STAG1: variants seen among roughly 807,000 people sequenced by gnomAD.
The protein encoded by STAG1 is STAG1 cohesin complex component.
Under a neutral mutation model 170.9 loss-of-function variants are expected in STAG1, and 26 were observed. That is an observed-to-expected ratio of 0.15 (90% CI 0.11 to 0.21). STAG1 has a LOEUF of 0.21. Ranked by LOEUF, STAG1 falls within the 10% of genes least tolerant of loss-of-function variation. STAG1 has a pLI of 1.00. For missense variants in STAG1, 964 were observed against 1,509.5 expected, an observed-to-expected ratio of 0.64 and a Z score of 5.99; for synonymous variants, 514 against 497.7, an observed-to-expected ratio of 1.03 and a Z score of -0.44.
At chr3:136,607,290 C>A (rs1031098665) in intron 3 of STAG1, among the ~76,000 whole-genome samples, 1 of 152,162 alleles carries the variant, frequency 6.6e-6, no homozygotes, top group Non-Finnish European at 1.5e-5. Context: ...AATTATAATT[C>A]TCTCACATGG....
chr3:136,595,542 C>G (rs1207999227), intron 4 of STAG1, among the ~76,000 whole-genome samples: 1 of 151,740 alleles, frequency 6.6e-6, no homozygotes, highest in Non-Finnish European at 1.5e-5. Context: ...AAATACAAAA[C>G]TGCGGGCGCC....
At chr3:136,424,620 A>C (rs2088060101) in intron 16 of STAG1, among the ~76,000 whole-genome samples, 1 of 152,116 alleles carries the variant, frequency 6.6e-6, no homozygotes, top group African/African-American at 2.4e-5. Context: ...GGTGTGAGCC[A>C]CTGCGCCCAG....
At chr3:136,374,769 A>C (rs1204518222) in intron 23 of STAG1, among the ~76,000 whole-genome samples, 1 of 152,192 alleles carries the variant, frequency 6.6e-6, no homozygotes, top group African/African-American at 2.4e-5. Context: ...GAAGAAAGAA[A>C]AACATTTTAA....
chr3:136,406,813 A>G (rs1333875687), intron 21 of STAG1, among the ~76,000 whole-genome samples: 1 of 151,714 alleles, frequency 6.6e-6, no homozygotes, highest in African/African-American at 2.4e-5. Context: ...AAAAAATTCA[A>G]GCAGTAAAAG....
chr3:136,503,016 C>G (rs1036241733), intron 7 of STAG1, among the ~76,000 whole-genome samples: 2 of 152,162 alleles, frequency 1.3e-5, no homozygotes, highest in Admixed American at 6.5e-5. Flanking sequence ...ACAGCCTCAT[C>G]CTAACTAACA....
Position 136,649,432 on chromosome 3 carries a change from T to C in STAG1, c.-83-18451A>G, listed in dbSNP as rs1396637391. On this transcript the variant is annotated intron_variant, in intron 1 of 33. Transcript: ENST00000383202. ...AGGCGGAGGTTGCAGTGAGTGGAGATGGCGCCACTGTACTCCAGCCTGGGT... is the reference window on the plus strand; with the variant it reads ...AGGCGGAGGTTGCAGTGAGTGGAGACGGCGCCACTGTACTCCAGCCTGGGT... 7.8e-5 allele frequency among the ~76,000 whole-genome samples: 11 copies of C among 141,636 alleles called. No individual in the cohort carries two copies. In the South Asian group the frequency reaches 2.2e-3, roughly 28 times the overall value. 92.9% of individuals were successfully genotyped at this position (141,636 alleles called of 152,430 possible). A position where few individuals can be genotyped will look rare whatever the true frequency, so the allele number is the denominator to read the frequency against.
chr3:136,582,955 C>A (rs1040980060), intron 4 of STAG1, among the ~76,000 whole-genome samples: 8 of 152,074 alleles, frequency 5.3e-5, no homozygotes, highest in African/African-American at 1.9e-4. Context: ...AAATTCATTA[C>A]CTTTATTTTT....
chr3:136,532,168 T>C (rs1040383565), intron 6 of STAG1, among the ~76,000 whole-genome samples: 1 of 152,112 alleles, frequency 6.6e-6, no homozygotes, highest in Non-Finnish European at 1.5e-5. Context: ...TTACAACTGA[T>C]AACACAGAAA....
rs753912835 is a variant in STAG1 at position 136,439,389 on chromosome 3, G to GACACACACACACACACACACAC, written c.1546+3876_1546+3897dup. On this transcript the variant is annotated intron_variant, in intron 15 of 33. Coordinates refer to ENST00000383202, the MANE Select transcript of STAG1 (RefSeq NM_005862.3). Reference sequence around the variant, plus strand: ...TTGATTTTGCTGTAAAACACCCCCCGACACACACACACACACACACACACA... The same window carrying GACACACACACACACACACACAC: ...TTGATTTTGCTGTAAAACACCCCCCGACACACACACACACACACACACACACACACACACACACACACACACA... Among the ~76,000 whole-genome samples the GACACACACACACACACACACAC allele has an allele frequency of 5.2e-5, 5 of 95,868 alleles. 1 individual carries two copies. The highest frequency in any genetic ancestry group is 6.0e-5 in the Non-Finnish European group (3 of 49,938). The allele number at this position is 95,868 out of a possible 152,430, so 62.9% of individuals were successfully genotyped here.
chr3:136,580,620 G>A (rs571951795), intron 4 of STAG1, among the ~76,000 whole-genome samples: 297 of 139,468 alleles, frequency 2.1e-3, no homozygotes, highest in African/African-American at 7.6e-3. Flanking sequence ...TGCAAGCTCC[G>A]CTTCCCGGGT....
intron 14 of STAG1, among the ~76,000 whole-genome samples, chr3:136,447,677 G>A (rs1009413005): frequency 1.4e-5 from 2 of 138,530 alleles, no homozygotes; most frequent in South Asian, 2.4e-4. Flanking sequence ...TGCGATCTCG[G>A]CTCACTGCAA....
At position 136,555,398 on chromosome 3, in the gene STAG1, T is replaced by A. The variant is rs185736894; in HGVS notation, c.395-13203A>T. ...GCTAAATGAGTTTTTAAAAAGTGAATCACGACTGGGCACAGTGGCTCAAGC... is the reference window on the plus strand; with the variant it reads ...GCTAAATGAGTTTTTAAAAAGTGAAACACGACTGGGCACAGTGGCTCAAGC... On this transcript the variant is annotated intron_variant, in intron 5 of 33. Transcript: ENST00000383202. 1.8e-4 allele frequency among the ~76,000 whole-genome samples: 28 copies of A among 151,404 alleles called. No individual in the cohort carries two copies. In the East Asian group the frequency reaches 4.5e-3, roughly 24 times the overall value.
At chr3:136,695,925 T>C (rs1409444356) in intron 1 of STAG1, among the ~76,000 whole-genome samples, 1 of 152,186 alleles carries the variant, frequency 6.6e-6, no homozygotes, top group African/African-American at 2.4e-5. Flanking sequence ...ATCCCACTTC[T>C]GACACCAGGT....
intron 1 of STAG1, among the ~76,000 whole-genome samples, chr3:136,739,729 C>T (rs1352047300): frequency 6.6e-6 from 1 of 151,806 alleles, no homozygotes; most frequent in Non-Finnish European, 1.5e-5. Context: ...GAGGCTGAGG[C>T]AGGAGAATCA....
intron 19 of STAG1, among the ~76,000 whole-genome samples, chr3:136,422,007 C>A (rs909511460): frequency 6.6e-6 from 1 of 151,722 alleles, no homozygotes; most frequent in Non-Finnish European, 1.5e-5. Context: ...AACAGCCAAG[C>A]GTGGTGACAG....
intron 12 of STAG1, 34 bp downstream of exon 12, chr3:136,472,379 C>T: frequency 6.7e-7 from 1 of 1,494,688 alleles, no homozygotes; most frequent in African/African-American, 1.4e-5. Flanking sequence ...ATTAAAATAT[C>T]AATAAAGTTA....
intron 16 of STAG1, among the ~76,000 whole-genome samples, chr3:136,425,684 ATGTG>A (rs200468281): frequency 1.3e-5 from 2 of 150,796 alleles, no homozygotes; most frequent in African/African-American, 4.9e-5. Context: ...AAATACGTGT[ATGTG>A]TGTGTATGTA....
At position 136,433,678 on chromosome 3, in the gene STAG1, C is replaced by T. The variant is rs2088374585; in HGVS notation, c.1547-19G>A. ...GACATTGCTAAGGTAAAACAAAATA[C>T]ATGAGCATGAGTAGACAGTTTTACA... On this transcript the variant is annotated intron_variant, in intron 15 of 33. Transcript: ENST00000383202. 1.3e-6 allele frequency: 2 copies of T among 1,519,736 alleles called. No individual in the cohort carries two copies. The highest frequency in any genetic ancestry group is 1.7e-5 in the Admixed American group (1 of 58,872). 94.1% of individuals were successfully genotyped at this position (1,519,736 alleles called of 1,614,324 possible). A position where few individuals can be genotyped will look rare whatever the true frequency, so the allele number is the denominator to read the frequency against.
chr3:136,386,566 G>A (rs970284293), intron 22 of STAG1, among the ~76,000 whole-genome samples: 14 of 152,102 alleles, frequency 9.2e-5, no homozygotes, highest in African/African-American at 3.4e-4. Context: ...CAGTCAGTGA[G>A]GAAAGGTAAG....
Sources: allele counts gnomAD v4.1 joint callset (sites outside exome capture counted in the v4.1 genomes callset), GRCh38; gene constraint gnomAD v4.1.1; transcripts MANE v1.5; gene names NCBI Gene and HGNC (gene_info 2026-07-23, HGNC 2026-07-21).